HIBADH: variants seen among roughly 807,000 people sequenced by gnomAD.
HIBADH encodes the protein 3-hydroxyisobutyrate dehydrogenase, also known as 3-hydroxyisobutyrate dehydrogenase, mitochondrial.
Under a neutral mutation model 36.1 loss-of-function variants are expected in HIBADH, and 25 were observed. That is an observed-to-expected ratio of 0.69 (90% CI 0.50 to 0.97). HIBADH has a LOEUF of 0.97. HIBADH is among the 50% of genes least tolerant of loss of function. HIBADH has a pLI of 0.00. For synonymous variants in HIBADH, 160 were observed against 149.5 expected (o/e 1.07, Z -0.51); for missense variants, 421 against 418.0 (o/e 1.01, Z -0.06).
chr7:27,650,219 A>G (rs1232729480), intron 1 of HIBADH, among the ~76,000 whole-genome samples: 1 of 151,286 alleles, frequency 6.6e-6, no homozygotes, highest in East Asian at 1.9e-4. Flanking sequence ...AGCTTCAAGA[A>G]TGGAAAAACT....
At chr7:27,536,257 A>C (rs1458789781) in intron 6 of HIBADH, among the ~76,000 whole-genome samples, 1 of 152,174 alleles carries the variant, frequency 6.6e-6, no homozygotes, top group Non-Finnish European at 1.5e-5. Context: ...TTCGTAAGAT[A>C]AAGTGATAAA....
chr7:27,565,010 TAG>T (rs1183131331), intron 4 of HIBADH, among the ~76,000 whole-genome samples: 3 of 152,182 alleles, frequency 2.0e-5, no homozygotes, highest in Non-Finnish European at 4.4e-5. Context: ...AATCAATTCC[TAG>T]AGAGAGTAAA....
At position 27,613,020 on chromosome 7, in the gene HIBADH, ATATAT is replaced by A. The variant is rs1232287839; in HGVS notation, c.484+16346_484+16350del. On this transcript the variant is annotated intron_variant, in intron 4 of 7. Transcript: ENST00000265395. Reference sequence around the variant, plus strand: ...ATAGGATATATATATCCAAAAATATATATATTATATTTACATAATATATAAATATA... The same window carrying A: ...ATAGGATATATATATCCAAAAATATATATATTTACATAATATATAAATATA... 3.0e-5 allele frequency among the ~76,000 whole-genome samples: 4 copies of A among 134,470 alleles called. No homozygotes were observed. The South Asian group carries it at 6.5e-4, about 22-fold the overall frequency. 88.2% of individuals were successfully genotyped at this position (134,470 alleles called of 152,430 possible).
At chr7:27,602,212 C>T (rs913532910) in intron 4 of HIBADH, among the ~76,000 whole-genome samples, 1 of 151,070 alleles carries the variant, frequency 6.6e-6, no homozygotes, top group Non-Finnish European at 1.5e-5. Context: ...CATGGGGATG[C>T]TATAAGGATG....
intron 4 of HIBADH, among the ~76,000 whole-genome samples, chr7:27,566,110 A>G (rs569312562): frequency 6.6e-6 from 1 of 152,240 alleles, no homozygotes; most frequent in South Asian, 2.1e-4. Flanking sequence ...TATAAAGAAT[A>G]CTAATCTGTA....
At chr7:27,609,353 AAG>A (rs1373255095) in intron 4 of HIBADH, among the ~76,000 whole-genome samples, 1 of 152,196 alleles carries the variant, frequency 6.6e-6, no homozygotes, top group East Asian at 1.9e-4. Context: ...AGAATGTAAA[AAG>A]AGATTTTTAT....
At chr7:27,530,805 T>C (rs1260336727) in intron 7 of HIBADH, among the ~76,000 whole-genome samples, 1 of 152,188 alleles carries the variant, frequency 6.6e-6, no homozygotes, top group East Asian at 1.9e-4. Flanking sequence ...TCGTGATGCA[T>C]ATATGCACTG....
chr7:27,606,496 A>T (rs1785230882), intron 4 of HIBADH, among the ~76,000 whole-genome samples: 1 of 152,238 alleles, frequency 6.6e-6, no homozygotes, highest in African/African-American at 2.4e-5. Flanking sequence ...TCACAGATAG[A>T]AATCTCCAGC....
At chr7:27,537,881 C>T (rs1784089778) in intron 6 of HIBADH, among the ~76,000 whole-genome samples, 1 of 152,064 alleles carries the variant, frequency 6.6e-6, no homozygotes, top group South Asian at 2.1e-4. Flanking sequence ...CCACCAAGAA[C>T]ACTTTTAGTG....
At chr7:27,655,632 C>T (rs930573945) in intron 1 of HIBADH, among the ~76,000 whole-genome samples, 7 of 151,874 alleles carry the variant, frequency 4.6e-5, no homozygotes, top group Non-Finnish European at 1.0e-4. Context: ...TAACACATGA[C>T]AAAAATAGAG....
intron 4 of HIBADH, among the ~76,000 whole-genome samples, chr7:27,622,147 A>C (rs1471426473): frequency 6.6e-6 from 1 of 152,144 alleles, no homozygotes; most frequent in Non-Finnish European, 1.5e-5. Context: ...CGAGAGCCTG[A>C]GGCTGGAGGA....
At chr7:27,594,602 G>A (rs1030241018) in intron 4 of HIBADH, among the ~76,000 whole-genome samples, 1 of 152,078 alleles carries the variant, frequency 6.6e-6, no homozygotes, top group Non-Finnish European at 1.5e-5. Context: ...ACAATGTTTT[G>A]GGAGGAACAT....
At chr7:27,599,921 C>T (rs1024412836) in intron 4 of HIBADH, among the ~76,000 whole-genome samples, 1 of 151,438 alleles carries the variant, frequency 6.6e-6, no homozygotes, top group Admixed American at 6.6e-5. Context: ...AAAAGGAATG[C>T]TATATCACAT....
chr7:27,564,263 C>T (rs1784508289), intron 4 of HIBADH, among the ~76,000 whole-genome samples: 1 of 152,160 alleles, frequency 6.6e-6, no homozygotes, highest in Non-Finnish European at 1.5e-5. Flanking sequence ...TGCCATATCA[C>T]AGAATTTTTT....
intron 2 of HIBADH, among the ~76,000 whole-genome samples, chr7:27,645,380 T>TGTTTGTTTGTTTTGTTTTTG (rs1562657279): frequency 7.8e-6 from 1 of 128,758 alleles, no homozygotes; most frequent in Non-Finnish European, 1.6e-5. Flanking sequence ...TTTTTTTTTT[T>TGTTTGTTTGTTTTGTTTTTG]TTTTTTTTTT....
At position 27,543,036 on chromosome 7, in the gene HIBADH, A is replaced by G. The variant is rs377597338; in HGVS notation, c.549T>C (p.Ala183=). The G allele has an allele frequency of 8.7e-6, 14 of 1,613,774 alleles. No homozygotes were observed. Among genetic ancestry groups the G allele is most frequent in the African/African-American group, 2.7e-5 (2 of 74,918 alleles). Residue 183 remains alanine (A), a synonymous_variant, in exon 5 of 8, where the codon GCT becomes GCC. Coordinates refer to ENST00000265395, the MANE Select transcript of HIBADH (RefSeq NM_152740.4). ...FMVGGVEDEF[A]AAQELLGCMG... is the part of the protein sequence containing the mutation. ...TGCACCCCAGCAACTCTTGGGCAGCAGCAAATTCATCTTCAACTCCTCCCA... is the reference window on the plus strand; with the variant it reads ...TGCACCCCAGCAACTCTTGGGCAGCGGCAAATTCATCTTCAACTCCTCCCA...
At chr7:27,650,515 C>G (rs950548438) in intron 1 of HIBADH, among the ~76,000 whole-genome samples, 1 of 145,792 alleles carries the variant, frequency 6.9e-6, no homozygotes, top group Non-Finnish European at 1.5e-5. Flanking sequence ...TTTTTTGAGA[C>G]GGAGTCTCAC....
At chr7:27,652,231 C>G (rs982109551) in intron 1 of HIBADH, among the ~76,000 whole-genome samples, 1 of 152,096 alleles carries the variant, frequency 6.6e-6, no homozygotes, top group African/African-American at 2.4e-5. Context: ...TCTAGAGTCT[C>G]CACTTGTAAA....
intron 1 of HIBADH, among the ~76,000 whole-genome samples, chr7:27,659,638 C>T (rs1786376788): frequency 6.6e-6 from 1 of 152,116 alleles, no homozygotes; most frequent in African/African-American, 2.4e-5. Flanking sequence ...AGGGGGATTG[C>T]TTGAGCCCAC....
Sources: allele counts gnomAD v4.1 joint callset (sites outside exome capture counted in the v4.1 genomes callset), GRCh38; gene constraint gnomAD v4.1.1; transcripts MANE v1.5; gene names NCBI Gene and HGNC (gene_info 2026-07-23, HGNC 2026-07-21).